PARVB: variants seen among roughly 807,000 people sequenced by gnomAD.
The protein encoded by PARVB is beta-parvin.
Under a neutral mutation model 47.0 loss-of-function variants are expected in PARVB, and 46 were observed. The observed-to-expected ratio is 0.98, with a 90% CI of 0.77 to 1.25. PARVB has a LOEUF of 1.25. Among genes scored for constraint, PARVB ranks in the 50% most tolerant of loss-of-function variants. The pLI is 0.00. For missense variants in PARVB, 473 were observed against 471.6 expected (o/e 1.00, Z -0.03); for synonymous variants, 196 against 196.3 (o/e 1.00, Z 0.01).
chr22:44,079,994 A>T (rs1462685098), intron 1 of PARVB, among the ~76,000 whole-genome samples: 1 of 152,190 alleles, frequency 6.6e-6, no homozygotes, highest in Non-Finnish European at 1.5e-5. Context: ...GTCACAGGAG[A>T]ATGGCCCGCG....
chr22:44,046,875 G>A (rs892408743), intron 1 of PARVB, among the ~76,000 whole-genome samples: 7 of 152,160 alleles, frequency 4.6e-5, no homozygotes, highest in Admixed American at 2.0e-4. Context: ...TATCAGTGCC[G>A]GGAGAGCAGC....
chr22:44,154,070 G>A (rs2053866807), intron 10 of PARVB, among the ~76,000 whole-genome samples: 1 of 152,184 alleles, frequency 6.6e-6, no homozygotes, highest in South Asian at 2.1e-4. Context: ...GAGGGGCACT[G>A]CTCCCCCACA....
chr22:44,096,409 ATAAT>A (rs1025165940), intron 2 of PARVB, among the ~76,000 whole-genome samples: 3 of 152,104 alleles, frequency 2.0e-5, no homozygotes, highest in African/African-American at 2.4e-5. Context: ...AAAAATAATA[ATAAT>A]TGAACTCACT....
chr22:44,003,826 T>A (rs1306652841), intron 2 of PARVB, among the ~76,000 whole-genome samples: 1 of 152,214 alleles, frequency 6.6e-6, no homozygotes, highest in Non-Finnish European at 1.5e-5. Context: ...CCGTCAGGTT[T>A]ACCCTCCTCT....
At chr22:44,168,292 G>A in intron 12 of PARVB, 1 of 303,786 alleles carries the variant, frequency 3.3e-6, no homozygotes, top group Non-Finnish European at 6.3e-6. Context: ...CATTAGCCAT[G>A]TCCCCCAACC....
chr22:44,063,425 CTA>C (rs1352361684), intron 1 of PARVB, among the ~76,000 whole-genome samples: 4 of 152,086 alleles, frequency 2.6e-5, no homozygotes, highest in Non-Finnish European at 1.5e-5. Flanking sequence ...CGGGGTTTCA[CTA>C]TGTTGGCCAG....
chr22:44,079,016 C>A (rs747827505), intron 1 of PARVB, among the ~76,000 whole-genome samples: 1 of 152,164 alleles, frequency 6.6e-6, no homozygotes, highest in African/African-American at 2.4e-5. Context: ...CGTGAGCCAC[C>A]GCGCCCGGCC....
At chr22:44,087,955 C>T (rs2052069614) in intron 1 of PARVB, among the ~76,000 whole-genome samples, 1 of 151,276 alleles carries the variant, frequency 6.6e-6, no homozygotes, top group African/African-American at 2.4e-5. Flanking sequence ...AAAGCTGACG[C>T]TTCCCGAGGG....
chr22:44,074,699 C>T (rs2051728283), intron 1 of PARVB, among the ~76,000 whole-genome samples: 1 of 152,198 alleles, frequency 6.6e-6, no homozygotes, highest in African/African-American at 2.4e-5. Flanking sequence ...AGACAATGTT[C>T]ACTGCCCCTC....
intron 2 of PARVB, 86 bp downstream of exon 2, chr22:44,094,103 G>C (rs1461365570): frequency 1.4e-6 from 1 of 708,374 alleles, no homozygotes; most frequent in Admixed American, 2.6e-5. Flanking sequence ...TGAGGAGCCC[G>C]ATAGATCTGG....
intron 1 of PARVB, among the ~76,000 whole-genome samples, chr22:44,046,091 G>C (rs913971815): frequency 6.6e-6 from 1 of 152,114 alleles, no homozygotes; most frequent in African/African-American, 2.4e-5. Context: ...ATTTCCCTTC[G>C]CAATGTTTTG....
intron 12 of PARVB, among the ~76,000 whole-genome samples, chr22:44,164,462 G>A (rs2054124096): frequency 6.7e-6 from 1 of 149,944 alleles, no homozygotes; most frequent in African/African-American, 2.5e-5. Context: ...TCTAACCTGA[G>A]TGAGCATCAC....
rs113622568 is a variant in PARVB at position 44,151,499 on chromosome 22, T to C, written c.791T>C (p.Val264Ala). 166 of 1,613,934 alleles carry C rather than the reference T, an allele frequency of 1.0e-4. No individual in the cohort carries two copies. In the African/African-American group the frequency reaches 2.0e-3, roughly 19 times the overall value. Reference sequence around the variant, plus strand: ...TCTTGGCAGTCTCTCATCACTTTTGTGAACAAGCACCTGAACAAGCTGAAT... The same window carrying C: ...TCTTGGCAGTCTCTCATCACTTTTGCGAACAAGCACCTGAACAAGCTGAAT... ...SVVKKSLITF[V>A]NKHLNKLNLE... Residue 264 changes from valine to alanine, a missense_variant, in exon 10 of 13, where the codon GTG (valine) becomes GCG (alanine). Physicochemically the swap from Val to Ala is moderately conservative, Grantham distance 64. Coordinates refer to ENST00000338758, the MANE Select transcript of PARVB (RefSeq NM_013327.5).
chr22:44,089,217 G>A lies in PARVB; in HGVS notation c.113-4711G>A, dbSNP rs1378712334. Reference sequence around the variant, plus strand: ...AGGTGAACTCTGCTGCGGTGGGAACGAGTTGGCATCGACTCCCTCGTGGCT... The same window carrying A: ...AGGTGAACTCTGCTGCGGTGGGAACAAGTTGGCATCGACTCCCTCGTGGCT... On this transcript the variant is annotated intron_variant, in intron 1 of 12. Coordinates refer to ENST00000338758, the MANE Select transcript of PARVB (RefSeq NM_013327.5). The surrounding 1 kb of genome is among the most constrained non-coding windows in gnomAD (Gnocchi z 4.0). The A allele has an allele frequency of 1.3e-5, 2 of 152,372 alleles. No individual in the cohort carries two copies. Among genetic ancestry groups the A allele is most frequent in the Admixed American group, 6.5e-5 (1 of 15,294 alleles). 9.4% of individuals were successfully genotyped at this position (152,372 alleles called of 1,614,324 possible). A position where few individuals can be genotyped will look rare whatever the true frequency, so the allele number is the denominator to read the frequency against.
At chr22:44,160,582 G>A (rs932191186) in intron 11 of PARVB, among the ~76,000 whole-genome samples, 6 of 152,166 alleles carry the variant, frequency 3.9e-5, no homozygotes, top group African/African-American at 1.4e-4. Context: ...CATGTGCTGG[G>A]TATCCAGGGA....
chr22:44,029,280 C>T (rs1318170685), intron 1 of PARVB, among the ~76,000 whole-genome samples: 11 of 152,170 alleles, frequency 7.2e-5, no homozygotes, highest in East Asian at 3.9e-4. Flanking sequence ...CCACAGTGCC[C>T]GGCCTTGGCC....
intron 1 of PARVB, among the ~76,000 whole-genome samples, chr22:44,091,274 CT>C (rs3083368): frequency 0.03 from 2,725 of 90,730 alleles, 78 homozygotes; most frequent in African/African-American, 0.097. Flanking sequence ...AGAGGGCCTG[CT>C]TTTTTTTTTT....
At chr22:44,008,155 C>T (rs1270566472) in intron 2 of PARVB, among the ~76,000 whole-genome samples, 1 of 152,126 alleles carries the variant, frequency 6.6e-6, no homozygotes, top group Non-Finnish European at 1.5e-5. Flanking sequence ...GGCTGGAGCA[C>T]AGTTGCATGA....
intron 1 of PARVB, among the ~76,000 whole-genome samples, chr22:44,066,442 T>C (rs2051524646): frequency 6.6e-6 from 1 of 152,132 alleles, no homozygotes; most frequent in South Asian, 2.1e-4. Context: ...CTTAATTATC[T>C]TAACAAGGGG....
Sources: allele counts gnomAD v4.1 joint callset (sites outside exome capture counted in the v4.1 genomes callset), GRCh38; gene constraint gnomAD v4.1.1; non-coding constraint Gnocchi (gnomAD v3.1); transcripts MANE v1.5; gene names NCBI Gene and HGNC (gene_info 2026-07-23, HGNC 2026-07-21).